The following KANK3 variants were observed in gnomAD, a reference collection of about 807,000 sequenced individuals.
KANK3 encodes the protein KN motif and ankyrin repeat domain-containing protein 3.
Under a neutral mutation model 65.4 loss-of-function variants are expected in KANK3, and 61 were observed. That is an observed-to-expected ratio of 0.93 (90% CI 0.76 to 1.15). The LOEUF is 1.15. KANK3 is among the 50% of genes most tolerant of loss of function. The pLI is 0.00. For missense variants in KANK3, 1,187 were observed against 1,178.8 expected (o/e 1.01, Z -0.10); for synonymous variants, 586 against 543.3 (o/e 1.08, Z -1.09).
intron 4 of KANK3, 76 bp from the exon 5 acceptor site, chr19:8,334,192 C>A: frequency 6.7e-7 from 1 of 1,501,678 alleles, no homozygotes; most frequent in Non-Finnish European, 8.9e-7. Context: ...TGGGTGTGGC[C>A]GTTCCCATTT....
intron 10 of KANK3, 139 bp downstream of exon 10, chr19:8,324,310 A>G (rs1419794544): frequency 4.2e-6 from 3 of 718,942 alleles, no homozygotes; most frequent in African/African-American, 3.6e-5. Flanking sequence ...AAGCAGCCAC[A>G]TAGGAGAATC....
At chr19:8,339,329 C>T (rs558277768) in intron 1 of KANK3, among the ~76,000 whole-genome samples, 39 of 151,520 alleles carry the variant, frequency 2.6e-4, no homozygotes, top group Admixed American at 8.6e-4. Flanking sequence ...CAAGACCCAC[C>T]TGCGCAACAT....
intron 1 of KANK3, among the ~76,000 whole-genome samples, chr19:8,341,223 CTTT>C (rs34406874): frequency 6.5e-5 from 9 of 138,712 alleles, no homozygotes; most frequent in East Asian, 2.1e-4. Flanking sequence ...TGGATATTTA[CTTT>C]TTTTTTTTTT....
intron 1 of KANK3, among the ~76,000 whole-genome samples, chr19:8,340,754 TCTCC>T (rs1970713939): frequency 6.6e-6 from 1 of 152,148 alleles, no homozygotes; most frequent in South Asian, 2.1e-4. Context: ...GTCCCTGACC[TCTCC>T]CTTCCCACTC....
At chr19:8,339,361 G>GTTT (rs71175840) in intron 1 of KANK3, among the ~76,000 whole-genome samples, 1,389 of 138,876 alleles carry the variant, frequency 0.01, 25 homozygotes, top group African/African-American at 0.025. Flanking sequence ...ATCTCTTTTT[G>GTTT]TTTTTTTTTT....
chr19:8,331,067 C>A (rs1970514952), intron 7 of KANK3, among the ~76,000 whole-genome samples: 1 of 151,868 alleles, frequency 6.6e-6, no homozygotes, highest in Admixed American at 6.6e-5. Context: ...GTGGCGGGCG[C>A]CTGTAGTCCC....
At chr19:8,340,907 A>G (rs751318806) in intron 1 of KANK3, among the ~76,000 whole-genome samples, 11 of 152,164 alleles carry the variant, frequency 7.2e-5, no homozygotes, top group Admixed American at 1.3e-4. Flanking sequence ...TTTTCAGGAA[A>G]TTGCCAGGGA....
At chr19:8,335,917 C>G in intron 2 of KANK3, 125 bp from the exon 3 acceptor site, 1 of 649,534 alleles carries the variant, frequency 1.5e-6, no homozygotes, top group Non-Finnish European at 2.2e-6. Flanking sequence ...CAAGTATTAA[C>G]TCAATCGCTT....
At chr19:8,326,343 C>T (rs1050144944) in intron 7 of KANK3, among the ~76,000 whole-genome samples, 7 of 151,406 alleles carry the variant, frequency 4.6e-5, no homozygotes, top group Middle Eastern at 6.9e-3. Context: ...GCAGGATAAT[C>T]ACTTGAACCT....
chr19:8,324,846 G>A lies in KANK3; in HGVS notation c.2083-16C>T, dbSNP rs761239155. On this transcript the variant is annotated splice_polypyrimidine_tract_variant and intron_variant, in intron 8 of 10. Transcript: ENST00000330915. ...TCTGCCCCGTCTGGGGAGTGGGGAG[G>A]AAGAGGGAACAGGCTGGGGTAGGCT... 6.8e-6 allele frequency: 11 copies of A among 1,606,466 alleles called. No individual in the cohort carries two copies. The African/African-American group carries it at 1.5e-4, about 21-fold the overall frequency.
intron 7 of KANK3, among the ~76,000 whole-genome samples, chr19:8,331,756 G>C (rs924581527): frequency 6.6e-6 from 1 of 152,078 alleles, no homozygotes; most frequent in Admixed American, 6.6e-5. Flanking sequence ...GCTCCAGCTG[G>C]AGATTCAGGG....
chr19:8,332,987 T>TTGC, intron 7 of KANK3, 27 bp downstream of exon 7: 7 of 395,184 alleles, frequency 1.8e-5, no homozygotes, highest in Middle Eastern at 8.1e-4. Flanking sequence ...TTTCCTGGTG[T>TTGC]CCCACCCACC....
rs1445334214 is a variant in KANK3 at position 8,334,937 on chromosome 19, G to A, written c.890C>T (p.Thr297Met). 2.7e-6 allele frequency: 4 copies of A among 1,483,176 alleles called. No homozygotes were observed. The highest frequency in any genetic ancestry group is 2.4e-5 in the Admixed American group (1 of 42,458). The allele number at this position is 1,483,176 out of a possible 1,614,324, so 91.9% of individuals were successfully genotyped here. A position where few individuals can be genotyped will look rare whatever the true frequency, so the allele number is the denominator to read the frequency against. Reference protein sequence around the residue: ...LDGEVGSLDGTPQTREVAAEA... With the variant: ...LDGEVGSLDGMPQTREVAAEA... ...GGCGGCCACCTCCCGGGTCTGGGGC[G>A]TCCCATCGAGACTCCCGACCTCCCC... The change falls in exon 3 of 11, where the codon ACG (threonine) becomes ATG (methionine). Residue 297 changes from threonine to methionine, a missense_variant. Thr to Met is a moderately conservative substitution (Grantham distance 81). This residue lies in a region of KANK3 where 1,078 missense variants were observed against 1,038.2 expected (regional missense o/e 1.04). Transcript: ENST00000330915.
At chr19:8,339,751 G>A (rs535165590) in intron 1 of KANK3, among the ~76,000 whole-genome samples, 5 of 151,920 alleles carry the variant, frequency 3.3e-5, no homozygotes, top group Admixed American at 1.3e-4. Flanking sequence ...CAACAAGAGC[G>A]AAGCTCTGTC....
At chr19:8,336,751 A>G (rs1171313361) in intron 2 of KANK3, among the ~76,000 whole-genome samples, 2 of 151,246 alleles carry the variant, frequency 1.3e-5, no homozygotes, top group East Asian at 3.9e-4. Flanking sequence ...AAAAAAAAAA[A>G]AAAAAGGTTG....
In KANK3 at chr19:8,333,247, C is replaced by T. The variant is rs752003640; in HGVS notation, c.1720-17G>A. On this transcript the variant is annotated splice_polypyrimidine_tract_variant and intron_variant, in intron 6 of 10. Coordinates refer to ENST00000330915, the MANE Select transcript of KANK3 (RefSeq NM_198471.3). This position sits in a 1 kb window ranked among gnomAD's most constrained non-coding sequence, Gnocchi z 5.0. ...CACTGCGCCCTGCAAGGGACAGGGG[C>T]CAAGATAACATCGGCGATGGTCCAC... is the stretch of plus-strand genomic sequence containing the variant. 20 of 1,592,766 alleles carry T rather than the reference C, an allele frequency of 1.3e-5. No homozygotes were observed. The African/African-American group carries it at 2.5e-4, about 20-fold the overall frequency.
At chr19:8,329,579 G>A (rs1044430414) in intron 7 of KANK3, among the ~76,000 whole-genome samples, 16 of 150,052 alleles carry the variant, frequency 1.1e-4, no homozygotes, top group Non-Finnish European at 1.8e-4. Flanking sequence ...GACTGGAACA[G>A]CCTAGGCTCT....
intron 7 of KANK3, among the ~76,000 whole-genome samples, chr19:8,329,979 G>A (rs1298834017): frequency 6.6e-6 from 1 of 152,192 alleles, no homozygotes; most frequent in Non-Finnish European, 1.5e-5. Flanking sequence ...GAGGGAGAGA[G>A]GGAGAACTGG....
chr19:8,339,361 G>GTT (rs71175840), intron 1 of KANK3, among the ~76,000 whole-genome samples: 56,405 of 138,498 alleles, frequency 0.41, 11,752 homozygotes, highest in Middle Eastern at 0.51. Flanking sequence ...ATCTCTTTTT[G>GTT]TTTTTTTTTT....
Sources: allele counts gnomAD v4.1 joint callset (sites outside exome capture counted in the v4.1 genomes callset), GRCh38; gene constraint gnomAD v4.1.1; regional missense constraint gnomAD v4.1.1; non-coding constraint Gnocchi (gnomAD v3.1); transcripts MANE v1.5; gene names NCBI Gene and HGNC (gene_info 2026-07-23, HGNC 2026-07-21).